Variants in UBQLN1 observed in about 807,000 individuals in gnomAD.
The protein encoded by UBQLN1 is ubiquilin 1.
A neutral mutation model predicts 65.4 loss-of-function variants in UBQLN1; 13 were observed. The ratio of observed to expected loss-of-function variants is 0.20; its 90% CI spans 0.13 to 0.32. The LOEUF (loss-of-function observed/expected upper bound fraction) is 0.32. UBQLN1 is among the 10% of genes least tolerant of loss of function. The pLI, the probability that UBQLN1 is intolerant of heterozygous loss-of-function variation, is 1.00. For missense variants in UBQLN1, 561 were observed against 724.0 expected (o/e 0.77, Z 2.58); for synonymous variants, 267 against 247.8 (o/e 1.08, Z -0.73).
Position 83,686,110 on chromosome 9 carries a change from G to A in UBQLN1, c.226C>T (p.Leu76Phe), listed in dbSNP as rs1564168114. Reference protein sequence around the residue: ...SKRFKSHTDQLVLIFAGKILK... With the variant: ...SKRFKSHTDQFVLIFAGKILK... Reference sequence around the variant, plus strand: ...ATTTTTCCAGCAAATATCAACACAAGTTGGTCAGTATGTGATTTAAAACGT... The same window carrying A: ...ATTTTTCCAGCAAATATCAACACAAATTGGTCAGTATGTGATTTAAAACGT... Residue 76 changes from leucine (L) to phenylalanine (F), a missense_variant, in exon 2 of 11, where the codon CTT becomes TTT. Physicochemically the swap from Leu to Phe is conservative, Grantham distance 22. Transcript: ENST00000376395. 1 of 1,592,890 alleles carries A rather than the reference G, an allele frequency of 6.3e-7. No homozygotes were observed. The highest frequency in any genetic ancestry group is 1.9e-5 in the Admixed American group (1 of 54,028).
chr9:83,707,903 T>C lies in UBQLN1; in HGVS notation c.-224A>G, dbSNP rs1220322996. The C allele has an allele frequency of 1.1e-5, 6 of 567,216 alleles. No homozygotes were observed. Among genetic ancestry groups the C allele is most frequent in the Non-Finnish European group, 8.7e-6 (3 of 344,472 alleles). 35.1% of individuals were successfully genotyped at this position (567,216 alleles called of 1,614,324 possible). On this transcript the variant is annotated 5_prime_UTR_variant, in exon 1 of 11. Transcript: ENST00000376395. ...TCAGGCGCTCGGCAGCCGCCGTGTGTTCAGGCGCCGCTCGCTCACACCGAC... is the reference window on the plus strand; with the variant it reads ...TCAGGCGCTCGGCAGCCGCCGTGTGCTCAGGCGCCGCTCGCTCACACCGAC...
intron 1 of UBQLN1, 89 bp from the exon 2 acceptor site, chr9:83,686,244 C>T: frequency 6.3e-6 from 5 of 793,114 alleles, no homozygotes; most frequent in South Asian, 4.1e-5. Flanking sequence ...GAGGCCCCTA[C>T]TACAGACGCT....
chr9:83,688,857 G>A (rs1251725896), intron 1 of UBQLN1, among the ~76,000 whole-genome samples: 4 of 133,690 alleles, frequency 3.0e-5, no homozygotes, highest in South Asian at 2.6e-4. Context: ...GCGAAACTCC[G>A]TTTCAAAAAA....
rs564915769 is a variant in UBQLN1 at position 83,686,602 on chromosome 9, A to C, written c.181-447T>G. On this transcript the variant is annotated intron_variant, in intron 1 of 10. Transcript: ENST00000376395. ...TATCCTTATTCTTTTTATGTTAATG[A>C]GACCAAATTTAGTTCGAGCCACAGT... is the stretch of plus-strand genomic sequence containing the variant. Among the ~76,000 whole-genome samples the C allele has an allele frequency of 1.3e-4, 20 of 152,298 alleles. No individual in the cohort carries two copies. The East Asian group carries it at 3.7e-3, about 28-fold the overall frequency.
At chr9:83,703,315 CAT>C (rs1486430118) in intron 1 of UBQLN1, among the ~76,000 whole-genome samples, 7 of 152,124 alleles carry the variant, frequency 4.6e-5, no homozygotes, top group East Asian at 1.9e-4. Context: ...CATGACATCA[CAT>C]GTGGAAAAAT....
Position 83,677,916 on chromosome 9 carries a change from C to G in UBQLN1, c.916G>C (p.Gly306Arg). The change falls in exon 6 of 11, where the codon GGT (glycine) becomes CGT (arginine). Residue 306 changes from glycine to arginine, a missense_variant. By Grantham distance (125) the Gly-to-Arg change is moderately radical. Transcript: ENST00000376395. The part of the protein sequence containing the change: ...FASLVSNTSS[G>R]EGSQPSRTEN... Reference sequence around the variant, plus strand: ...GTACGGGAAGGTTGACTACCTTCACCAGAGGATGTATTGCTCACCAAGGAA... The same window carrying G: ...GTACGGGAAGGTTGACTACCTTCACGAGAGGATGTATTGCTCACCAAGGAA... 1.2e-6 allele frequency: 2 copies of G among 1,613,786 alleles called. No individual in the cohort carries two copies. Among genetic ancestry groups the G allele is most frequent in the Non-Finnish European group, 1.7e-6 (2 of 1,179,930 alleles).
At chr9:83,705,487 C>G (rs1167727932) in intron 1 of UBQLN1, among the ~76,000 whole-genome samples, 1 of 152,172 alleles carries the variant, frequency 6.6e-6, no homozygotes. Context: ...AGGCAATCCA[C>G]CCGCCTCGGC....
At chr9:83,695,442 C>G (rs942612714) in intron 1 of UBQLN1, among the ~76,000 whole-genome samples, 2 of 152,208 alleles carry the variant, frequency 1.3e-5, no homozygotes, top group Non-Finnish European at 2.9e-5. Context: ...TTGTGATCTG[C>G]CCACCTCAGC....
chr9:83,667,684 G>C, intron 7 of UBQLN1: 1 of 985,112 alleles, frequency 1.0e-6, no homozygotes, highest in Non-Finnish European at 1.2e-6. Context: ...TCTTAAAAAA[G>C]CATGTCATCT....
At chr9:83,664,953 C>G in intron 9 of UBQLN1, 77 bp downstream of exon 9, 3 of 691,472 alleles carry the variant, frequency 4.3e-6, no homozygotes, top group Admixed American at 3.9e-5. Context: ...AAAAGGCAGG[C>G]AGAATAATAC....
In UBQLN1 at chr9:83,707,616, C is replaced by A; in HGVS notation, c.64G>T (p.Gly22Cys). Reference sequence around the variant, plus strand: ...GCAGCGGCCGCGGGGGCGCCAGCACCTTCGGCTCCGGCGGCGCTATCCTGG... The same window carrying A: ...GCAGCGGCCGCGGGGGCGCCAGCACATTCGGCTCCGGCGGCGCTATCCTGG... ...GSQDSAAGAE[G>C]AGAPAAAASA... is the part of the protein sequence containing the mutation. Residue 22 changes from glycine to cysteine, a missense_variant, in exon 1 of 11, where the codon GGT becomes TGT. Coordinates refer to ENST00000376395, the MANE Select transcript of UBQLN1 (RefSeq NM_013438.5). 6.3e-7 allele frequency: 1 copy of A among 1,589,930 alleles called. No individual in the cohort carries two copies. Among genetic ancestry groups the A allele is most frequent in the Non-Finnish European group, 8.6e-7 (1 of 1,168,760 alleles).
intron 10 of UBQLN1, 81 bp from the exon 11 acceptor site, chr9:83,662,020 C>T (rs1831567060): frequency 1.5e-6 from 2 of 1,336,900 alleles, no homozygotes; most frequent in Admixed American, 2.3e-5. Flanking sequence ...TTTTTAATTG[C>T]TTTTTTATAA....
Position 83,687,277 on chromosome 9 carries a change from G to A in UBQLN1, c.181-1122C>T, listed in dbSNP as rs567332806. Reference sequence around the variant, plus strand: ...TCCAGGGACCAGACACATAAAACCAGACAAGAGAAAAGAGCATCATGCTAT... The same window carrying A: ...TCCAGGGACCAGACACATAAAACCAAACAAGAGAAAAGAGCATCATGCTAT... On this transcript the variant is annotated intron_variant, in intron 1 of 10. Coordinates refer to ENST00000376395, the MANE Select transcript of UBQLN1 (RefSeq NM_013438.5). 1.1e-4 allele frequency among the ~76,000 whole-genome samples: 16 copies of A among 152,270 alleles called. No homozygotes were observed. In the South Asian group the frequency reaches 3.1e-3, roughly 30 times the overall value.
chr9:83,686,066 G>A lies in UBQLN1; in HGVS notation c.270C>T (p.Thr90=), dbSNP rs1208104973. The A allele has an allele frequency of 2.5e-6, 4 of 1,605,772 alleles. No individual in the cohort carries two copies. Among genetic ancestry groups the A allele is most frequent in the Admixed American group, 1.7e-5 (1 of 58,078 alleles). Residue 90 remains threonine, a synonymous_variant, in exon 2 of 11, where the codon ACC becomes ACT. Coordinates refer to ENST00000376395, the MANE Select transcript of UBQLN1 (RefSeq NM_013438.5). ...FAGKILKDQD[T]LSQHGIHDGL... ...CATCATGAATTCCATGCTGACTCAA[G>A]GTATCTTGATCTTTCAAAATTTTTC... is the stretch of plus-strand genomic sequence containing the variant.
chr9:83,687,792 AATCT>A (rs145844229), intron 1 of UBQLN1, among the ~76,000 whole-genome samples: 5,974 of 152,256 alleles, frequency 0.039, 392 homozygotes, highest in African/African-American at 0.14. Context: ...ATTTTTAAAA[AATCT>A]GTTTTACCTT....
intron 1 of UBQLN1, among the ~76,000 whole-genome samples, chr9:83,692,314 TAAAGAG>T (rs1420335960): frequency 6.6e-6 from 1 of 152,226 alleles, no homozygotes; most frequent in South Asian, 2.1e-4. Flanking sequence ...TCCTACAGAA[TAAAGAG>T]AAAGTTTTCA....
At chr9:83,677,168 C>T (rs1199031488) in intron 6 of UBQLN1, among the ~76,000 whole-genome samples, 1 of 152,142 alleles carries the variant, frequency 6.6e-6, no homozygotes, top group South Asian at 2.1e-4. Context: ...CAAAACCAGG[C>T]TAAAGACAGC....
At chr9:83,673,802 T>C (rs1480447336) in intron 6 of UBQLN1, among the ~76,000 whole-genome samples, 3 of 152,118 alleles carry the variant, frequency 2.0e-5, no homozygotes, top group Non-Finnish European at 4.4e-5. Context: ...TCCTTCATAC[T>C]GTTATTTGTT....
At chr9:83,690,413 T>C (rs531858929) in intron 1 of UBQLN1, among the ~76,000 whole-genome samples, 42 of 152,340 alleles carry the variant, frequency 2.8e-4, no homozygotes, top group African/African-American at 6.5e-4. Flanking sequence ...AAAGTGAGAA[T>C]AGTGGTTACC....
Sources: gnomAD v4.1 joint callset for allele counts (sites outside exome capture counted in the v4.1 genomes callset) on GRCh38, gnomAD v4.1.1 for gene constraint, MANE v1.5 for transcripts, NCBI Gene and HGNC (gene_info 2026-07-23, HGNC 2026-07-21) for gene names.